The following EYS variants were observed in gnomAD, a reference collection of about 807,000 sequenced individuals.
EYS encodes the protein EGF-like photoreceptor maintenance factor.
Under a neutral mutation model 282.1 loss-of-function variants are expected in EYS, and 250 were observed. That is an observed-to-expected ratio of 0.89 (90% CI 0.80 to 0.98). The LOEUF is 0.98. EYS is among the 50% of genes least tolerant of loss of function. The pLI, the probability that EYS is intolerant of heterozygous loss-of-function variation, is 0.00. For synonymous variants in EYS, 1,355 were observed against 1,282.9 expected, an observed-to-expected ratio of 1.06 and a Z score of -1.20; for missense variants, 4,016 against 3,709.0, an observed-to-expected ratio of 1.08 and a Z score of -2.15.
intron 30 of EYS, among the ~76,000 whole-genome samples, chr6:64,270,375 C>T (rs1767902693): frequency 6.6e-6 from 1 of 151,304 alleles, no homozygotes; most frequent in African/African-American, 2.4e-5. Context: ...ATGAAGATTG[C>T]CGGGGGTGGG....
chr6:65,030,960 T>C (rs1316979400), intron 13 of EYS, among the ~76,000 whole-genome samples: 1 of 152,042 alleles, frequency 6.6e-6, no homozygotes, highest in Non-Finnish European at 1.5e-5. Flanking sequence ...GAGAAAATTC[T>C]ACAAGGCAAA....
At chr6:64,069,978 C>G (rs572565601) in intron 32 of EYS, among the ~76,000 whole-genome samples, 74 of 152,014 alleles carry the variant, frequency 4.9e-4, no homozygotes, top group African/African-American at 1.8e-3. Flanking sequence ...TATTTTGAAA[C>G]TTAATAGGAG....
intron 35 of EYS, among the ~76,000 whole-genome samples, chr6:63,980,959 C>T (rs1767060904): frequency 6.6e-6 from 1 of 151,876 alleles, no homozygotes; most frequent in Non-Finnish European, 1.5e-5. Flanking sequence ...TCCATTTTGT[C>T]AGAATCAGAA....
intron 35 of EYS, among the ~76,000 whole-genome samples, chr6:63,907,779 C>T (rs1171315941): frequency 6.6e-6 from 1 of 152,048 alleles, no homozygotes; most frequent in African/African-American, 2.4e-5. Context: ...TTACCTTCCA[C>T]CCTTCTGCAG....
chr6:64,123,485 C>G (rs553724561), intron 31 of EYS, among the ~76,000 whole-genome samples: 1 of 152,236 alleles, frequency 6.6e-6, no homozygotes, highest in East Asian at 1.9e-4. Flanking sequence ...AAAAGCAAAT[C>G]TATTTGTGCA....
chr6:65,414,205 A>G (rs1389847166), intron 5 of EYS, among the ~76,000 whole-genome samples: 3 of 152,184 alleles, frequency 2.0e-5, no homozygotes, highest in Non-Finnish European at 2.9e-5. Flanking sequence ...GAAAGCTAAG[A>G]GACTGAGTCA....
intron 15 of EYS, among the ~76,000 whole-genome samples, chr6:64,943,863 G>A (rs1055254392): frequency 2.0e-5 from 3 of 152,010 alleles, no homozygotes; most frequent in Admixed American, 6.6e-5. Flanking sequence ...TAAAATGTAC[G>A]TAGAGTGAAG....
intron 35 of EYS, among the ~76,000 whole-genome samples, chr6:63,959,583 T>C (rs1218155069): frequency 6.6e-6 from 1 of 152,186 alleles, no homozygotes; most frequent in Non-Finnish European, 1.5e-5. Flanking sequence ...TACAGCACTA[T>C]TTACAGTAAC....
At chr6:63,722,865 C>T (rs895919188) in intron 42 of EYS, among the ~76,000 whole-genome samples, 2 of 152,210 alleles carry the variant, frequency 1.3e-5, no homozygotes, top group African/African-American at 4.8e-5. Context: ...CTTCACCTAT[C>T]AAACTACGTT....
intron 2 of EYS, among the ~76,000 whole-genome samples, chr6:65,609,034 T>C (rs1765900621): frequency 6.6e-6 from 1 of 152,086 alleles, no homozygotes; most frequent in Non-Finnish European, 1.5e-5. Context: ...TCTAAAATAA[T>C]GATTAAAAAC....
intron 5 of EYS, among the ~76,000 whole-genome samples, chr6:65,443,122 A>G (rs1183818426): frequency 6.8e-6 from 1 of 146,872 alleles, no homozygotes; most frequent in Non-Finnish European, 1.5e-5. Context: ...TGGATCATAT[A>G]TGTACACATC....
chr6:64,887,864 TA>T (rs1562243734), intron 18 of EYS, among the ~76,000 whole-genome samples: 1 of 152,030 alleles, frequency 6.6e-6, no homozygotes, highest in Non-Finnish European at 1.5e-5. Context: ...GGCTAGCTGC[TA>T]GACAAGAGGT....
chr6:63,752,168 A>G (rs781697671), intron 41 of EYS, among the ~76,000 whole-genome samples: 2 of 152,194 alleles, frequency 1.3e-5, no homozygotes, highest in African/African-American at 2.4e-5. Context: ...ATCAATAACT[A>G]GGATACCTGG....
At chr6:64,290,697 G>T (rs1454609297) in intron 30 of EYS, among the ~76,000 whole-genome samples, 1 of 151,840 alleles carries the variant, frequency 6.6e-6, no homozygotes, top group Non-Finnish European at 1.5e-5. Context: ...AGGGGAGAAA[G>T]AATAGATGAC....
intron 19 of EYS, among the ~76,000 whole-genome samples, chr6:64,843,109 G>T (rs919156996): frequency 1.3e-5 from 2 of 152,088 alleles, no homozygotes; most frequent in Non-Finnish European, 2.9e-5. Flanking sequence ...CTAGGGACTT[G>T]GTACCCTCTG....
intron 34 of EYS, among the ~76,000 whole-genome samples, chr6:63,985,109 C>G (rs9342086): frequency 0.27 from 40,766 of 151,376 alleles, 6,174 homozygotes; most frequent in Middle Eastern, 0.36. Context: ...TGGAATAAGG[C>G]AAAACTATAA....
At chr6:64,493,501 T>G (rs2150507191) in intron 26 of EYS, among the ~76,000 whole-genome samples, 1 of 151,742 alleles carries the variant, frequency 6.6e-6, no homozygotes, top group Middle Eastern at 3.4e-3. Flanking sequence ...GAAATGTTAT[T>G]AAGTACTTTA....
chr6:64,389,263 A>T (rs1338250223), intron 28 of EYS, among the ~76,000 whole-genome samples: 1 of 152,212 alleles, frequency 6.6e-6, no homozygotes, highest in African/African-American at 2.4e-5. Context: ...TGCAGACAGT[A>T]ATTAGTTGTA....
intron 31 of EYS, among the ~76,000 whole-genome samples, chr6:64,128,453 A>G (rs1364421387): frequency 6.6e-6 from 1 of 152,182 alleles, no homozygotes; most frequent in Non-Finnish European, 1.5e-5. Flanking sequence ...ACTATCCCTC[A>G]GATGGCCTGT....
Sources: gnomAD v4.1 joint callset for allele counts (sites outside exome capture counted in the v4.1 genomes callset) on GRCh38, gnomAD v4.1.1 for gene constraint, MANE v1.5 for transcripts, NCBI Gene and HGNC (gene_info 2026-07-23, HGNC 2026-07-21) for gene names.